Variants in PNISR observed in about 807,000 individuals in gnomAD.
PNISR encodes PNN interacting serine and arginine rich protein, also known as arginine/serine-rich protein PNISR.
A neutral mutation model predicts 93.4 loss-of-function variants in PNISR; 20 were observed. The ratio of observed to expected loss-of-function variants is 0.21; its 90% CI spans 0.15 to 0.31. The LOEUF (loss-of-function observed/expected upper bound fraction) is 0.31, where lower values mean the gene tolerates loss of function less well. Among genes scored for constraint, PNISR ranks in the 10% least tolerant of loss-of-function variants. PNISR has a pLI of 1.00. For synonymous variants in PNISR, 305 were observed against 306.5 expected (o/e 0.99, Z 0.05); for missense variants, 893 against 985.4 (o/e 0.91, Z 1.25).
chr6:99,415,521 T>C (rs1777564792), intron 2 of PNISR: 1 of 152,180 alleles, frequency 6.6e-6, no homozygotes, highest in Non-Finnish European at 1.5e-5. Flanking sequence ...CCAACTTTTC[T>C]GTAAGCTAGT....
intron 11 of PNISR, among the ~76,000 whole-genome samples, chr6:99,402,313 T>G (rs1045993479): frequency 2.0e-5 from 3 of 152,198 alleles, no homozygotes; most frequent in Non-Finnish European, 4.4e-5. Flanking sequence ...CTTTTTCATT[T>G]CAAGACTTTT....
chr6:99,414,562 G>A lies in PNISR; in HGVS notation c.88+10C>T, dbSNP rs1308604735. 1 of 1,460,402 alleles carries A rather than the reference G, an allele frequency of 6.8e-7. No homozygotes were observed. The highest frequency in any genetic ancestry group is 9.6e-7 in the Non-Finnish European group (1 of 1,042,650). 90.5% of individuals were successfully genotyped at this position (1,460,402 alleles called of 1,614,324 possible). A position where few individuals can be genotyped will look rare whatever the true frequency, so the allele number is the denominator to read the frequency against. On this transcript the variant is annotated intron_variant, in intron 3 of 11. Coordinates refer to ENST00000369239, the MANE Select transcript of PNISR (RefSeq NM_032870.4). ...AACCCCGCCCTTTCAAATTCAATTT[G>A]TTTCCTTACTTGGATCCTGTTGGTG... is the stretch of plus-strand genomic sequence containing the variant.
Position 99,399,780 on chromosome 6 carries a change from A to G in PNISR, c.*760T>C, listed in dbSNP as rs1361256621. ...ATTTCTAGCCCTCTTTCATACCCTTAAAGTTGGAATCTGGCAAAAGTCCAT... is the reference window on the plus strand; with the variant it reads ...ATTTCTAGCCCTCTTTCATACCCTTGAAGTTGGAATCTGGCAAAAGTCCAT... On this transcript the variant is annotated 3_prime_UTR_variant, in exon 12 of 12. Transcript: ENST00000369239. 1 of 152,214 alleles carries G rather than the reference A, an allele frequency of 6.6e-6. No homozygotes were observed. Among genetic ancestry groups the G allele is most frequent in the African/African-American group, 2.4e-5 (1 of 41,466 alleles). 9.4% of individuals were successfully genotyped at this position (152,214 alleles called of 1,614,324 possible). A position where few individuals can be genotyped will look rare whatever the true frequency, so the allele number is the denominator to read the frequency against.
intron 1 of PNISR, 130 bp downstream of exon 1, chr6:99,425,085 A>G (rs762544436): frequency 2.1e-6 from 1 of 485,200 alleles, no homozygotes; most frequent in Non-Finnish European, 3.3e-6. Flanking sequence ...GCTTTAAAGG[A>G]ATGAGGTTCC....
intron 4 of PNISR, 190 bp downstream of exon 4, chr6:99,412,361 A>G (rs1017716082): frequency 1.4e-6 from 1 of 691,142 alleles, no homozygotes; most frequent in Non-Finnish European, 2.6e-6. Flanking sequence ...TGAGTGCCAC[A>G]AAGCTAGCAG....
chr6:99,421,832 T>A (rs1314450584), intron 1 of PNISR, among the ~76,000 whole-genome samples: 1 of 152,188 alleles, frequency 6.6e-6, no homozygotes, highest in African/African-American at 2.4e-5. Flanking sequence ...TAGAACTTCA[T>A]CGCTTTGAGG....
chr6:99,418,176 C>T (rs894725397), intron 1 of PNISR, among the ~76,000 whole-genome samples: 1 of 151,646 alleles, frequency 6.6e-6, no homozygotes, highest in Non-Finnish European at 1.5e-5. Context: ...CTCGCTCTGT[C>T]GCCCAGGCTG....
chr6:99,401,129 C>A lies in PNISR; in HGVS notation c.1829G>T (p.Arg610Leu). ...TCTACGTCTCTCTCGGGAAGGACTC[C>A]GATTTCGTCGTCTTTCTCTTTCAAT... is the stretch of plus-strand genomic sequence containing the variant. ...NSIERERRRN[R>L]SPSRERRRSR... Residue 610 changes from arginine (R) to leucine (L), a missense_variant, in exon 12 of 12, where the codon CGG becomes CTG. Coordinates refer to ENST00000369239, the MANE Select transcript of PNISR (RefSeq NM_032870.4). 2.5e-6 allele frequency: 4 copies of A among 1,613,926 alleles called. No individual in the cohort carries two copies. The highest frequency in any genetic ancestry group is 1.1e-5 in the South Asian group (1 of 91,072).
rs1206421827 is a variant in PNISR at position 99,398,653 on chromosome 6, C to G, written c.*1887G>C. On this transcript the variant is annotated 3_prime_UTR_variant, in exon 12 of 12. Coordinates refer to ENST00000369239, the MANE Select transcript of PNISR (RefSeq NM_032870.4). ...CCAAAAATGTGCATATCATAGCCAA[C>G]AGAATTTTTCTGTAGAATTTTATTT... 1 of 152,056 alleles carries G rather than the reference C, an allele frequency of 6.6e-6. No individual in the cohort carries two copies. The highest frequency in any genetic ancestry group is 1.5e-5 in the Non-Finnish European group (1 of 67,934). 9.4% of individuals were successfully genotyped at this position (152,056 alleles called of 1,614,324 possible).
At chr6:99,416,851 A>C (rs777303352) in intron 1 of PNISR, among the ~76,000 whole-genome samples, 1 of 152,216 alleles carries the variant, frequency 6.6e-6, no homozygotes, top group African/African-American at 2.4e-5. Flanking sequence ...AGGAGAGAAC[A>C]GTTTGTTCCT....
Position 99,414,654 on chromosome 6 carries a change from C to T in PNISR, c.6G>A (p.Trp2Ter), listed in dbSNP as rs865894750. Residue 2 changes from tryptophan to a stop codon, truncating the protein, a stop_gained, in exon 3 of 12, where the codon TGG (tryptophan) becomes TGA (stop). Coordinates refer to ENST00000369239, the MANE Select transcript of PNISR (RefSeq NM_032870.4). LOFTEE classifies it high-confidence loss of function. The part of the protein sequence containing the change: M[W>*]DQGGQPWQQW... ...GCTGCCAAGGCTGTCCTCCTTGATCCCACATCCCTTCTTTTAAAATATACT... is the reference window on the plus strand; with the variant it reads ...GCTGCCAAGGCTGTCCTCCTTGATCTCACATCCCTTCTTTTAAAATATACT... 1 of 1,588,800 alleles carries T rather than the reference C, an allele frequency of 6.3e-7. No homozygotes were observed. Among genetic ancestry groups the T allele is most frequent in the East Asian group, 2.3e-5 (1 of 44,170 alleles).
In PNISR at chr6:99,400,400, G is replaced by A; in HGVS notation, c.*140C>T. 1.6e-6 allele frequency: 2 copies of A among 1,214,772 alleles called. No homozygotes were observed. The highest frequency in any genetic ancestry group is 1.1e-6 in the Non-Finnish European group (1 of 948,496). The allele number at this position is 1,214,772 out of a possible 1,614,324, so 75.2% of individuals were successfully genotyped here. A position where few individuals can be genotyped will look rare whatever the true frequency, so the allele number is the denominator to read the frequency against. ...ATTTTAAATAAATAATATTATATAG[G>A]ATTTCTAACATTTAAGACTATGATT... On this transcript the variant is annotated 3_prime_UTR_variant, in exon 12 of 12. Coordinates refer to ENST00000369239, the MANE Select transcript of PNISR (RefSeq NM_032870.4).
At chr6:99,405,888 T>C in intron 8 of PNISR, 143 bp downstream of exon 8, 2 of 524,146 alleles carry the variant, frequency 3.8e-6, no homozygotes, top group Admixed American at 3.6e-5. Context: ...GTTTCTATAA[T>C]TGTTTTAAGT....
At chr6:99,405,625 C>T (rs1776065416) in intron 8 of PNISR, among the ~76,000 whole-genome samples, 1 of 152,080 alleles carries the variant, frequency 6.6e-6, no homozygotes, top group Non-Finnish European at 1.5e-5. Context: ...AACGCAGTGG[C>T]ACCACCTCGG....
At chr6:99,425,066 G>A (rs534654080) in intron 1 of PNISR, 149 bp downstream of exon 1, 592 of 428,104 alleles carry the variant, frequency 1.4e-3, no homozygotes, top group Non-Finnish European at 1.7e-3. Context: ...AAGTCTGGCG[G>A]ACCGCAGCGC....
In PNISR at chr6:99,402,610, G is replaced by C; in HGVS notation, c.1257C>G (p.Ile419Met). Residue 419 changes from isoleucine to methionine, a missense_variant, in exon 11 of 12, where the codon ATC (isoleucine) becomes ATG (methionine). Ile to Met is a conservative substitution (Grantham distance 10, BLOSUM62 1). Coordinates refer to ENST00000369239, the MANE Select transcript of PNISR (RefSeq NM_032870.4). Reference protein sequence around the residue: ...DTDDEELRHRIRQKQEAFWRK... With the variant: ...DTDDEELRHRMRQKQEAFWRK... Reference sequence around the variant, plus strand: ...TCCAAAAAGCTTCCTGTTTTTGCCGGATTCGATGCCGTAATTCTTCATCAT... The same window carrying C: ...TCCAAAAAGCTTCCTGTTTTTGCCGCATTCGATGCCGTAATTCTTCATCAT... 1 of 1,613,394 alleles carries C rather than the reference G, an allele frequency of 6.2e-7. No individual in the cohort carries two copies. Among genetic ancestry groups the C allele is most frequent in the Non-Finnish European group, 8.5e-7 (1 of 1,179,588 alleles).
At chr6:99,422,145 C>T (rs973083383) in intron 1 of PNISR, among the ~76,000 whole-genome samples, 2 of 152,170 alleles carry the variant, frequency 1.3e-5, no homozygotes, top group Admixed American at 6.5e-5. Flanking sequence ...GGACTACAGG[C>T]ATGAGCCACC....
chr6:99,422,876 CAAA>C (rs58924048), intron 1 of PNISR, among the ~76,000 whole-genome samples: 36 of 94,934 alleles, frequency 3.8e-4, no homozygotes, highest in African/African-American at 8.5e-4. Flanking sequence ...CACTCTGTCT[CAAA>C]AAAAAAAAAA....
At chr6:99,420,421 T>C (rs1778399114) in intron 1 of PNISR, among the ~76,000 whole-genome samples, 1 of 152,212 alleles carries the variant, frequency 6.6e-6, no homozygotes, top group South Asian at 2.1e-4. Flanking sequence ...TTATATATGT[T>C]TCAGCACATA....
Sources: gnomAD v4.1 joint callset for allele counts (sites outside exome capture counted in the v4.1 genomes callset) on GRCh38, gnomAD v4.1.1 for gene constraint, MANE v1.5 for transcripts, NCBI Gene and HGNC (gene_info 2026-07-23, HGNC 2026-07-21) for gene names.